CTBS: variants seen among roughly 807,000 people sequenced by gnomAD.
The protein encoded by CTBS is chitobiase.
A neutral mutation model predicts 44.3 loss-of-function variants in CTBS; 35 were observed. The ratio of observed to expected loss-of-function variants is 0.79; its 90% CI spans 0.60 to 1.05. CTBS has a LOEUF of 1.05. Ranked by LOEUF, CTBS falls within the 50% of genes least tolerant of loss-of-function variation. The probability of loss-of-function intolerance (pLI) is 0.00; values close to 1 mark genes in which losing one functional copy is unlikely to be tolerated. For synonymous variants in CTBS, 143 were observed against 168.0 expected (o/e 0.85, Z 1.15); for missense variants, 458 against 475.3 (o/e 0.96, Z 0.34).
intron 1 of CTBS, among the ~76,000 whole-genome samples, chr1:84,573,636 G>T (rs988922301): frequency 1.3e-5 from 2 of 152,160 alleles, no homozygotes; most frequent in Non-Finnish European, 2.9e-5. Context: ...TTCAGTCATC[G>T]AAGTGGGCAG....
chr1:84,563,704 TA>T, intron 5 of CTBS, 30 bp downstream of exon 5: 1 of 1,333,952 alleles, frequency 7.5e-7, no homozygotes, highest in Non-Finnish European at 1.0e-6. Flanking sequence ...TAATAGATAA[TA>T]AAAATTATGT....
At chr1:84,563,928 C>T (rs1558628310) in intron 4 of CTBS, 96 bp from the exon 5 acceptor site, 1 of 1,355,458 alleles carries the variant, frequency 7.4e-7, no homozygotes, top group African/African-American at 1.5e-5. Flanking sequence ...TTTGTAAAAA[C>T]AAGTACATTT....
At chr1:84,557,133 A>C (rs1186163726) in intron 6 of CTBS, among the ~76,000 whole-genome samples, 1 of 152,254 alleles carries the variant, frequency 6.6e-6, no homozygotes, top group African/African-American at 2.4e-5. Context: ...GCTTTCCAGA[A>C]TATTGAGTCC....
intron 6 of CTBS, among the ~76,000 whole-genome samples, chr1:84,558,455 A>G (rs1195964433): frequency 1.3e-5 from 2 of 151,094 alleles, no homozygotes; most frequent in Non-Finnish European, 3.0e-5. Context: ...ACGCCCGGCT[A>G]ATTTTTTTTG....
rs377103488 is a variant in CTBS at position 84,556,589 on chromosome 1, G to A, written c.958-1390C>T. On this transcript the variant is annotated intron_variant, in intron 6 of 6. Coordinates refer to ENST00000370630, the MANE Select transcript of CTBS (RefSeq NM_004388.3). The stretch of plus-strand genomic sequence containing the variant: ...TAGCTGGGCTTGGTGGTGCATGCCT[G>A]TAGTCCCAGCTACTCTCGAGGCTGA... Among the ~76,000 whole-genome samples the A allele has an allele frequency of 2.6e-5, 4 of 151,738 alleles. No individual in the cohort carries two copies. In the East Asian group the frequency reaches 7.7e-4, roughly 29 times the overall value.
intron 3 of CTBS, among the ~76,000 whole-genome samples, 153 bp downstream of exon 3, chr1:84,569,778 A>G (rs924186621): frequency 1.3e-5 from 2 of 152,314 alleles, no homozygotes; most frequent in East Asian, 1.9e-4. Context: ...TTAAATAAGA[A>G]CACCAAAGGC....
chr1:84,565,949 T>C lies in CTBS; in HGVS notation c.589A>G (p.Ile197Val). 6.3e-7 allele frequency: 1 copy of C among 1,598,062 alleles called. No individual in the cohort carries two copies. The highest frequency in any genetic ancestry group is 8.5e-7 in the Non-Finnish European group (1 of 1,172,894). The change falls in exon 4 of 7, where the codon ATC becomes GTC. Residue 197 changes from isoleucine (I) to valine (V), a missense_variant. Physicochemically the swap from Ile to Val is conservative, Grantham distance 29. Transcript: ENST00000370630. ...AAGAGGAAGTCACAAGCATCTGCGA[T>C]TCCAGTATAATTATAGCATCTTCTG... ...IDRRCYNYTG[I>V]ADACDFLFVM...
In CTBS at chr1:84,550,397, T is replaced by C. The variant is rs1404573072; in HGVS notation, c.*4602A>G. ...GCAGTTAAAAATAAAAATGTTTATA[T>C]GTTATACTAAATAAATATCTATCTA... On this transcript the variant is annotated 3_prime_UTR_variant, in exon 7 of 7. Transcript: ENST00000370630. 1 of 1,127,534 alleles carries C rather than the reference T, an allele frequency of 8.9e-7. No individual in the cohort carries two copies. Among genetic ancestry groups the C allele is most frequent in the Non-Finnish European group, 1.2e-6 (1 of 816,956 alleles). The allele number at this position is 1,127,534 out of a possible 1,614,324, so 69.8% of individuals were successfully genotyped here.
chr1:84,564,546 T>C (rs1187196219), intron 4 of CTBS, among the ~76,000 whole-genome samples: 3 of 152,184 alleles, frequency 2.0e-5, no homozygotes, highest in African/African-American at 7.2e-5. Flanking sequence ...AGTTTGGTTG[T>C]TGATTTATTT....
chr1:84,574,344 C>A lies in CTBS; in HGVS notation c.72G>T (p.Leu24=), dbSNP rs1647406266. The stretch of plus-strand genomic sequence containing the variant: ...GCGCCAGCAGCGCCAGCAGCGCCAG[C>A]AGCGCTAGACCCGGGACGCCGCTCG... ...SPPSGVPGLA[L]LALLALLALR... The change falls in exon 1 of 7, where the codon CTG becomes CTT. Residue 24 remains leucine, a synonymous_variant. Transcript: ENST00000370630. 7.5e-7 allele frequency: 1 copy of A among 1,327,422 alleles called. No individual in the cohort carries two copies. The highest frequency in any genetic ancestry group is 1.4e-5 in the South Asian group (1 of 72,350). 82.2% of individuals were successfully genotyped at this position (1,327,422 alleles called of 1,614,324 possible).
intron 1 of CTBS, 76 bp from the exon 2 acceptor site, chr1:84,570,796 C>T (rs1647279223): frequency 4.3e-6 from 6 of 1,396,644 alleles, no homozygotes; most frequent in Non-Finnish European, 6.0e-6. Flanking sequence ...GTTCATCAAA[C>T]ATCACCATAC....
chr1:84,552,998 G>C lies in CTBS; in HGVS notation c.*2001C>G. ...CTATGATGTACTTTTAGAAGGGTAT[G>C]ATGAAGTTCATTTTTGAAAAGTAAT... On this transcript the variant is annotated 3_prime_UTR_variant, in exon 7 of 7. Transcript: ENST00000370630. The C allele has an allele frequency of 7.6e-7, 1 of 1,320,946 alleles. No homozygotes were observed. Among genetic ancestry groups the C allele is most frequent in the South Asian group, 1.4e-5 (1 of 73,350 alleles). 81.8% of individuals were successfully genotyped at this position (1,320,946 alleles called of 1,614,324 possible).
chr1:84,569,236 A>G (rs1647219879), intron 3 of CTBS, among the ~76,000 whole-genome samples: 1 of 152,194 alleles, frequency 6.6e-6, no homozygotes, highest in African/African-American at 2.4e-5. Flanking sequence ...GGGCTCTGGG[A>G]TTACCCAAAA....
chr1:84,550,420 C>G lies in CTBS; in HGVS notation c.*4579G>C. On this transcript the variant is annotated 3_prime_UTR_variant, in exon 7 of 7. Coordinates refer to ENST00000370630, the MANE Select transcript of CTBS (RefSeq NM_004388.3). ...TATGTTATACTAAATAAATATCTAT[C>G]TATCCACACAGAATTACCTAATAAT... The G allele has an allele frequency of 1.4e-6, 2 of 1,394,964 alleles. No individual in the cohort carries two copies. The highest frequency in any genetic ancestry group is 1.9e-6 in the Non-Finnish European group (2 of 1,032,932). The allele number at this position is 1,394,964 out of a possible 1,614,324, so 86.4% of individuals were successfully genotyped here. A position where few individuals can be genotyped will look rare whatever the true frequency, so the allele number is the denominator to read the frequency against.
Position 84,553,063 on chromosome 1 carries a change from G to A in CTBS, c.*1936C>T, listed in dbSNP as rs540121965. On this transcript the variant is annotated 3_prime_UTR_variant, in exon 7 of 7. Transcript: ENST00000370630. ...AGAAAACAAGCAGTTTCAGATTTAC[G>A]AACATTGAAAACTGAACTGGCACAG... 8 of 1,525,230 alleles carry A rather than the reference G, an allele frequency of 5.2e-6. No individual in the cohort carries two copies. The highest frequency in any genetic ancestry group is 1.7e-4 in the Middle Eastern group (1 of 5,938). The allele number at this position is 1,525,230 out of a possible 1,614,324, so 94.5% of individuals were successfully genotyped here.
Position 84,551,391 on chromosome 1 carries a change from TAAAAA to T in CTBS, c.*3603_*3607del. On this transcript the variant is annotated 3_prime_UTR_variant, in exon 7 of 7. Coordinates refer to ENST00000370630, the MANE Select transcript of CTBS (RefSeq NM_004388.3). Reference sequence around the variant, plus strand: ...AATAAAAATAAATAAAATTTAAAAATAAAAAAATAGAATTAGCACTGTCCAACAGA... The same window carrying T: ...AATAAAAATAAATAAAATTTAAAAATAATAGAATTAGCACTGTCCAACAGA... The T allele has an allele frequency of 2.9e-6, 2 of 695,178 alleles. No homozygotes were observed. Among genetic ancestry groups the T allele is most frequent in the Non-Finnish European group, 3.5e-6 (2 of 565,468 alleles). 43.1% of individuals were successfully genotyped at this position (695,178 alleles called of 1,614,324 possible).
At chr1:84,557,855 C>T (rs1208516782) in intron 6 of CTBS, among the ~76,000 whole-genome samples, 1 of 134,346 alleles carries the variant, frequency 7.4e-6, no homozygotes, top group Non-Finnish European at 1.6e-5. Flanking sequence ...GAGACTCCAT[C>T]TCAAAAAAAA....
chr1:84,558,301 T>G (rs1308584028), intron 6 of CTBS, among the ~76,000 whole-genome samples: 1 of 151,962 alleles, frequency 6.6e-6, no homozygotes, highest in Non-Finnish European at 1.5e-5. Context: ...AACTTTTTTT[T>G]TTTTTTGAGA....
Position 84,555,102 on chromosome 1 carries a change from C to A in CTBS, c.1055G>T (p.Gly352Val). The A allele has an allele frequency of 6.2e-7, 1 of 1,613,782 alleles. No individual in the cohort carries two copies. Among genetic ancestry groups the A allele is most frequent in the Admixed American group, 1.7e-5 (1 of 59,992 alleles). The change falls in exon 7 of 7, where the codon GGC becomes GTC. Residue 352 changes from glycine (G) to valine (V), a missense_variant. Coordinates refer to ENST00000370630, the MANE Select transcript of CTBS (RefSeq NM_004388.3). Reference sequence around the variant, plus strand: ...GTCAAGACAGTTTGCATTCCACATGCCAATGCCCCGTAAGCGATAGTTTTG... The same window carrying A: ...GTCAAGACAGTTTGCATTCCACATGACAATGCCCCGTAAGCGATAGTTTTG... The part of the protein sequence containing the change: ...YIQNYRLRGI[G>V]MWNANCLDYS...
Sources: allele counts gnomAD v4.1 joint callset (sites outside exome capture counted in the v4.1 genomes callset), GRCh38; gene constraint gnomAD v4.1.1; transcripts MANE v1.5; gene names NCBI Gene and HGNC (gene_info 2026-07-23, HGNC 2026-07-21).